Variants in POU3F3 observed in about 807,000 individuals in gnomAD.
The protein encoded by POU3F3 is POU class 3 homeobox 3, also known as POU domain, class 3, transcription factor 3.
POU3F3 carries 1 observed loss-of-function variant against 8.6 expected under a neutral mutation model. The observed-to-expected ratio is 0.12, with a 90% CI of 0.04 to 0.55. The LOEUF (loss-of-function observed/expected upper bound fraction) is 0.55. POU3F3 is among the 20% of genes least tolerant of loss of function. The probability of loss-of-function intolerance (pLI) is 0.91; values close to 1 mark genes in which losing one functional copy is unlikely to be tolerated. For missense variants in POU3F3, 577 were observed against 690.7 expected, an observed-to-expected ratio of 0.84 and a Z score of 1.84; for synonymous variants, 418 against 327.4, an observed-to-expected ratio of 1.28 and a Z score of -2.99.
downstream of POU3F3, among the ~76,000 whole-genome samples, chr2:104,863,371 C>T (rs1011592207): frequency 2.0e-5 from 3 of 152,036 alleles, no homozygotes; most frequent in Admixed American, 6.5e-5. Flanking sequence ...AGGCTGGAGT[C>T]GGCTCAGGTT....
At chr2:104,860,214 T>A (rs2104343807), downstream of POU3F3, among the ~76,000 whole-genome samples, 1 of 152,344 alleles carries the variant, frequency 6.6e-6, no homozygotes, top group African/African-American at 2.4e-5. Flanking sequence ...GCAGAGTAAC[T>A]TTTAATTGGA....
the POU3F3 span, among the ~76,000 whole-genome samples, chr2:104,876,825 C>T: frequency 6.6e-5 from 10 of 152,308 alleles, no homozygotes; most frequent in Admixed American, 5.2e-4. Flanking sequence ...ACCTCGACCT[C>T]CCTTCTGCCA....
the POU3F3 span, among the ~76,000 whole-genome samples, chr2:104,878,102 C>T: frequency 6.6e-6 from 1 of 152,176 alleles, no homozygotes; most frequent in Non-Finnish European, 1.5e-5. Context: ...ACAGACTAAC[C>T]AGAAACTGGC....
Position 104,856,314 on chromosome 2 carries a change from C to G in POU3F3, c.804C>G (p.Ala268=), listed in dbSNP as rs1433375285. 8.0e-6 allele frequency: 12 copies of G among 1,505,984 alleles called. No individual in the cohort carries two copies. The highest frequency in any genetic ancestry group is 1.4e-5 in the African/African-American group (1 of 71,704). 93.3% of individuals were successfully genotyped at this position (1,505,984 alleles called of 1,614,324 possible). Residue 268 remains alanine, a synonymous_variant, in exon 1 of 1, where the codon GCC becomes GCG. Transcript: ENST00000361360. ...GLVRGDTPEL[A]EHHHHHHHHA... is the part of the protein sequence containing the mutation. Reference sequence around the variant, plus strand: ...TGCGCGGGGACACGCCAGAGCTGGCCGAGCACCACCACCACCACCACCACC... The same window carrying G: ...TGCGCGGGGACACGCCAGAGCTGGCGGAGCACCACCACCACCACCACCACC...
At chr2:104,920,740 T>G in the POU3F3 span, among the ~76,000 whole-genome samples, 4 of 152,206 alleles carry the variant, frequency 2.6e-5, no homozygotes, top group Admixed American at 2.0e-4. Context: ...ATGCTATACA[T>G]GTAGCTACAT....
chr2:104,862,310 A>G (rs1216340313), downstream of POU3F3, among the ~76,000 whole-genome samples: 1 of 152,162 alleles, frequency 6.6e-6, no homozygotes, highest in Non-Finnish European at 1.5e-5. Flanking sequence ...GGCAACAGTC[A>G]TTCTCTTGGC....
At position 104,856,697 on chromosome 2, in the gene POU3F3, G is replaced by A; in HGVS notation, c.1187G>A (p.Ser396Asn). ...EADSSTGSPTSIDKIAAQGRK... is the reference protein window; with the variant it reads ...EADSSTGSPTNIDKIAAQGRK... Reference sequence around the variant, plus strand: ...GACTCAAGCACCGGCAGCCCCACAAGCATCGACAAGATCGCGGCGCAGGGC... The same window carrying A: ...GACTCAAGCACCGGCAGCCCCACAAACATCGACAAGATCGCGGCGCAGGGC... The change falls in exon 1 of 1, where the codon AGC becomes AAC. Residue 396 changes from serine to asparagine, a missense_variant. Transcript: ENST00000361360. 1 of 1,614,126 alleles carries A rather than the reference G, an allele frequency of 6.2e-7. No homozygotes were observed. Among genetic ancestry groups the A allele is most frequent in the Non-Finnish European group, 8.5e-7 (1 of 1,180,024 alleles).
At chr2:104,888,267 C>T in the POU3F3 span, among the ~76,000 whole-genome samples, 68 of 152,262 alleles carry the variant, frequency 4.5e-4, 1 homozygote, top group Admixed American at 1.7e-3. Flanking sequence ...ACGTTTATTA[C>T]GAAGGTCTAA....
the POU3F3 span, among the ~76,000 whole-genome samples, chr2:104,908,793 A>T: frequency 6.6e-6 from 1 of 152,254 alleles, no homozygotes; most frequent in African/African-American, 2.4e-5. Flanking sequence ...CAATGCATGG[A>T]GACATCAATT....
At chr2:104,866,760 C>T in the POU3F3 span, 1 of 152,208 alleles carries the variant, frequency 6.6e-6, no homozygotes, top group Non-Finnish European at 1.5e-5. Flanking sequence ...TGACAGGGCA[C>T]ATGTAAGCTT....
chr2:104,889,295 A>G, the POU3F3 span, among the ~76,000 whole-genome samples: 20 of 152,290 alleles, frequency 1.3e-4, no homozygotes, highest in South Asian at 4.1e-3. Context: ...AGCAGAAAAG[A>G]AAAAAGGGAA....
chr2:104,872,539 C>T, the POU3F3 span: 26 of 326,644 alleles, frequency 8.0e-5, no homozygotes, highest in Non-Finnish European at 1.2e-4. The surrounding 1 kb of genome is among the most constrained non-coding windows in gnomAD (Gnocchi z 4.6). Flanking sequence ...CCCGCTAACC[C>T]CCGCCCTCCC....
chr2:104,890,809 C>CA, the POU3F3 span, among the ~76,000 whole-genome samples: 1 of 152,228 alleles, frequency 6.6e-6, no homozygotes, highest in Non-Finnish European at 1.5e-5. Flanking sequence ...CACATGGGTG[C>CA]ATGTTCATCA....
At chr2:104,922,453 G>C in the POU3F3 span, among the ~76,000 whole-genome samples, 1 of 148,382 alleles carries the variant, frequency 6.7e-6, no homozygotes, top group Non-Finnish European at 1.5e-5. Flanking sequence ...TGATGTATGA[G>C]CATGATGAAA....
At chr2:104,927,524 G>A in the POU3F3 span, among the ~76,000 whole-genome samples, 3 of 151,994 alleles carry the variant, frequency 2.0e-5, no homozygotes, top group Admixed American at 6.6e-5. Flanking sequence ...AGAGGTCAAG[G>A]CATTAGAATT....
At chr2:104,922,390 C>T in the POU3F3 span, among the ~76,000 whole-genome samples, 1 of 76,704 alleles carries the variant, frequency 1.3e-5, no homozygotes, top group Non-Finnish European at 2.5e-5. Context: ...CTTGAAGATG[C>T]TCAAAAAAAA....
chr2:104,855,546 G>C lies in POU3F3; in HGVS notation c.36G>C (p.Gly12=). ...CGGCTTCTAACCCCTACCTGCCGGG[G>C]AACAGCCTGCTCGCGGCCGGCTCTA... is the stretch of plus-strand genomic sequence containing the variant. The part of the protein sequence containing the change: ...ATAASNPYLP[G]NSLLAAGSIV... The change falls in exon 1 of 1, where the codon GGG becomes GGC. Residue 12 remains glycine (G), a synonymous_variant. Coordinates refer to ENST00000361360, the MANE Select transcript of POU3F3 (RefSeq NM_006236.3). The C allele has an allele frequency of 9.6e-7, 1 of 1,044,754 alleles. No individual in the cohort carries two copies. Among genetic ancestry groups the C allele is most frequent in the Non-Finnish European group, 1.2e-6 (1 of 864,568 alleles). 64.7% of individuals were successfully genotyped at this position (1,044,754 alleles called of 1,614,324 possible). A position where few individuals can be genotyped will look rare whatever the true frequency, so the allele number is the denominator to read the frequency against.
At chr2:104,882,867 G>T in the POU3F3 span, among the ~76,000 whole-genome samples, 1 of 152,114 alleles carries the variant, frequency 6.6e-6, no homozygotes, top group African/African-American at 2.4e-5. Context: ...AAAAAACCAA[G>T]AAATATCACA....
the POU3F3 span, among the ~76,000 whole-genome samples, chr2:104,920,921 C>T: frequency 6.6e-6 from 1 of 152,052 alleles, no homozygotes; most frequent in Non-Finnish European, 1.5e-5. Flanking sequence ...CAAGAAGTCT[C>T]CCCCCACATT....
Sources: allele counts gnomAD v4.1 joint callset (sites outside exome capture counted in the v4.1 genomes callset), GRCh38; gene constraint gnomAD v4.1.1; non-coding constraint Gnocchi (gnomAD v3.1); transcripts MANE v1.5; gene names NCBI Gene and HGNC (gene_info 2026-07-23, HGNC 2026-07-21).